The following SMYD3 variants were observed in gnomAD, a reference collection of about 807,000 sequenced individuals.
SMYD3 encodes the protein histone-lysine N-methyltransferase SMYD3.
A neutral mutation model predicts 57.7 loss-of-function variants in SMYD3; 36 were observed. The ratio of observed to expected loss-of-function variants is 0.62; its 90% CI spans 0.48 to 0.82. SMYD3 has a LOEUF of 0.82. Ranked by LOEUF, SMYD3 falls within the 40% of genes least tolerant of loss-of-function variation. SMYD3 has a pLI of 0.00. For synonymous variants in SMYD3, 211 were observed against 195.0 expected, an observed-to-expected ratio of 1.08 and a Z score of -0.68; for missense variants, 515 against 538.8, an observed-to-expected ratio of 0.96 and a Z score of 0.44.
chr1:245,977,350 G>A (rs1480822595), intron 5 of SMYD3, among the ~76,000 whole-genome samples: 2 of 152,150 alleles, frequency 1.3e-5, no homozygotes, highest in African/African-American at 4.8e-5. Flanking sequence ...GGCTTTAAAT[G>A]CCACCATTGG....
intron 8 of SMYD3, among the ~76,000 whole-genome samples, chr1:245,882,921 T>C (rs1282602564): frequency 6.6e-6 from 1 of 152,212 alleles, no homozygotes; most frequent in Non-Finnish European, 1.5e-5. Flanking sequence ...AAGAGACTTA[T>C]ATGGGCAAAC....
chr1:246,014,460 A>G, intron 5 of SMYD3, among the ~76,000 whole-genome samples: 1 of 152,216 alleles, frequency 6.6e-6, no homozygotes, highest in East Asian at 1.9e-4. Flanking sequence ...AGCATGAACT[A>G]TGAACTTTGA....
chr1:246,352,250 C>T (rs2065843759), intron 2 of SMYD3, among the ~76,000 whole-genome samples: 1 of 151,924 alleles, frequency 6.6e-6, no homozygotes, highest in Non-Finnish European at 1.5e-5. Context: ...CCCCAATAGC[C>T]TCTCTCAGAC....
At chr1:246,493,672 TCAAAACCCAGCAC>T (rs1191206849) in intron 1 of SMYD3, among the ~76,000 whole-genome samples, 9 of 151,920 alleles carry the variant, frequency 5.9e-5, no homozygotes, top group South Asian at 4.1e-4. Flanking sequence ...TTCCAATAGT[TCAAAACCCAGCAC>T]TCACCCTTCA....
At chr1:246,033,258 T>C (rs146167851) in intron 5 of SMYD3, among the ~76,000 whole-genome samples, 1 of 152,206 alleles carries the variant, frequency 6.6e-6, no homozygotes, top group African/African-American at 2.4e-5. Flanking sequence ...TGGATAAATC[T>C]CTGGAGAGTT....
intron 4 of SMYD3, among the ~76,000 whole-genome samples, chr1:246,328,861 C>T (rs940173564): frequency 6.6e-6 from 1 of 151,218 alleles, no homozygotes. Flanking sequence ...CCACAACAGT[C>T]CCCAGAGTGT....
intron 10 of SMYD3, among the ~76,000 whole-genome samples, chr1:245,847,218 G>A (rs986191398): frequency 6.6e-6 from 1 of 152,010 alleles, no homozygotes; most frequent in Non-Finnish European, 1.5e-5. Flanking sequence ...TAATTTTGGG[G>A]GTCATTTATA....
At chr1:246,329,511 G>A (rs903741249) in intron 4 of SMYD3, among the ~76,000 whole-genome samples, 2 of 152,084 alleles carry the variant, frequency 1.3e-5, no homozygotes, top group East Asian at 1.9e-4. Context: ...GTCTGTTCAT[G>A]TCCTTCGCCC....
chr1:246,436,858 G>T (rs1191044082), intron 1 of SMYD3, among the ~76,000 whole-genome samples: 1 of 151,124 alleles, frequency 6.6e-6, no homozygotes, highest in Non-Finnish European at 1.5e-5. Context: ...CAGTAGAAGG[G>T]AAAAGGACGA....
chr1:246,145,739 C>T lies in SMYD3; in HGVS notation c.531+181462G>A, dbSNP rs115291031. On this transcript the variant is annotated intron_variant, in intron 5 of 11. Coordinates refer to ENST00000490107, the MANE Select transcript of SMYD3 (RefSeq NM_001167740.2). ...AAAACAGCATTCATCTCACAGACAT[C>T]ACGAAGGTTAAATGAAACCATCCAT... is the stretch of plus-strand genomic sequence containing the variant. Among the ~76,000 whole-genome samples, 1,185 of 152,290 alleles carry T rather than the reference C, an allele frequency of 7.8e-3. 13 individuals are homozygous for T. Among genetic ancestry groups the T allele is most frequent in the South Asian group, 0.036 (175 of 4,816 alleles).
At chr1:246,020,398 T>C (rs1034527839) in intron 5 of SMYD3, among the ~76,000 whole-genome samples, 2 of 152,344 alleles carry the variant, frequency 1.3e-5, no homozygotes, top group African/African-American at 4.8e-5. Flanking sequence ...ATGAAGAGAA[T>C]TCTTCTTGGC....
At chr1:246,462,159 G>A (rs1322798226) in intron 1 of SMYD3, among the ~76,000 whole-genome samples, 1 of 151,982 alleles carries the variant, frequency 6.6e-6, no homozygotes, top group Non-Finnish European at 1.5e-5. Flanking sequence ...TGTGAGTACG[G>A]GCATGGCAAG....
chr1:245,778,134 A>G (rs992167955), intron 10 of SMYD3, among the ~76,000 whole-genome samples: 1 of 152,234 alleles, frequency 6.6e-6, no homozygotes, highest in Non-Finnish European at 1.5e-5. Flanking sequence ...ACTGTAATAA[A>G]AATCCAAGCT....
At chr1:246,378,719 A>ATATAAT in intron 1 of SMYD3, among the ~76,000 whole-genome samples, 1 of 38,018 alleles carries the variant, frequency 2.6e-5, no homozygotes, top group Non-Finnish European at 7.5e-5. Flanking sequence ...TATATAATAT[A>ATATAAT]ATATATTATA....
intron 5 of SMYD3, among the ~76,000 whole-genome samples, chr1:246,047,617 A>G (rs937370387): frequency 2.6e-5 from 4 of 152,188 alleles, no homozygotes; most frequent in Non-Finnish European, 5.9e-5. Context: ...GGAGTAGATC[A>G]TTTGAGCCTA....
At position 245,833,073 on chromosome 1, in the gene SMYD3, A is replaced by AAAAACACAAC; in HGVS notation, c.1076+25422_1076+25423insGTTGTGTTTT. 2.6e-4 allele frequency among the ~76,000 whole-genome samples: 34 copies of AAAAACACAAC among 128,666 alleles called. 2 individuals carry two copies. In the East Asian group the frequency reaches 6.4e-3, roughly 24 times the overall value. 84.4% of individuals were successfully genotyped at this position (128,666 alleles called of 152,430 possible). ...GGAATATGTGACAAAAAAAAAAAAAAAACCTGCTTTTATAATGCTGATTCA... is the reference window on the plus strand; with the variant it reads ...GGAATATGTGACAAAAAAAAAAAAAAAAAACACAACAACCTGCTTTTATAATGCTGATTCA... On this transcript the variant is annotated intron_variant, in intron 10 of 11. Transcript: ENST00000490107.
chr1:246,268,581 G>A lies in SMYD3; in HGVS notation c.531+58620C>T, dbSNP rs13374786. ...TAGCCGGGCATGGTGGCACACACCT[G>A]TAGTCCCAGCTACCCGGGAGGCTGA... On this transcript the variant is annotated intron_variant, in intron 5 of 11. Transcript: ENST00000490107. 3.8e-3 allele frequency among the ~76,000 whole-genome samples: 579 copies of A among 152,158 alleles called. 6 individuals are homozygous for A. Among genetic ancestry groups the A allele is most frequent in the African/African-American group, 0.013 (558 of 41,514 alleles).
intron 10 of SMYD3, among the ~76,000 whole-genome samples, chr1:245,773,006 G>A (rs2046398327): frequency 6.6e-6 from 1 of 151,248 alleles, no homozygotes. Context: ...AGTTTCCAGG[G>A]CTAGTAAATG....
intron 5 of SMYD3, among the ~76,000 whole-genome samples, chr1:246,238,652 C>T (rs2063549305): frequency 6.6e-6 from 1 of 152,056 alleles, no homozygotes; most frequent in South Asian, 2.1e-4. Flanking sequence ...CGTTTTTTTG[C>T]TTTTCTTTAC....
Sources: gnomAD v4.1 joint callset for allele counts (sites outside exome capture counted in the v4.1 genomes callset) on GRCh38, gnomAD v4.1.1 for gene constraint, MANE v1.5 for transcripts, NCBI Gene and HGNC (gene_info 2026-07-23, HGNC 2026-07-21) for gene names.